CCNH: variants seen among roughly 807,000 people sequenced by gnomAD.
The protein encoded by CCNH is cyclin H.
A neutral mutation model predicts 41.9 loss-of-function variants in CCNH; 31 were observed. The ratio of observed to expected loss-of-function variants is 0.74; its 90% CI spans 0.56 to 1.00. The LOEUF (loss-of-function observed/expected upper bound fraction) is 1.00. Among genes scored for constraint, CCNH ranks in the 50% least tolerant of loss-of-function variants. CCNH has a pLI of 0.00. For missense variants in CCNH, 362 were observed against 388.4 expected, an observed-to-expected ratio of 0.93 and a Z score of 0.57; for synonymous variants, 138 against 136.1, an observed-to-expected ratio of 1.01 and a Z score of -0.10.
At position 87,358,314 on chromosome 5, in the gene CCNH, A is replaced by C. The variant is rs180984974; in HGVS notation, c.*90+34456T>G. Among the ~76,000 whole-genome samples, 245 of 152,280 alleles carry C rather than the reference A, an allele frequency of 1.6e-3. 3 individuals carry two copies. Among genetic ancestry groups the C allele is most frequent in the Admixed American group, 7.1e-3 (108 of 15,296 alleles). On this transcript the variant is annotated intron_variant and NMD_transcript_variant, in intron 9 of 9. Transcript: ENST00000645953. The stretch of plus-strand genomic sequence containing the variant: ...CATTTTTGAGCACTATATTTTAAGC[A>C]CTGTTTTTTATACATATTCATTCAT...
At chr5:87,412,649 C>A (rs1413301545) in intron 1 of CCNH, 29 bp downstream of exon 1, 1 of 1,611,452 alleles carries the variant, frequency 6.2e-7, no homozygotes, top group South Asian at 1.1e-5. Context: ...AGTGACCGGG[C>A]AACTGGGCAA....
intron 9 of CCNH, among the ~76,000 whole-genome samples, chr5:87,336,491 C>T (rs1177700852): frequency 6.6e-6 from 1 of 151,700 alleles, no homozygotes; most frequent in Non-Finnish European, 1.5e-5. Flanking sequence ...AATAAAAATA[C>T]CTTAAAAATT....
intron 9 of CCNH, among the ~76,000 whole-genome samples, chr5:87,355,876 C>T (rs1490147324): frequency 6.6e-6 from 1 of 152,080 alleles, no homozygotes; most frequent in African/African-American, 2.4e-5. Context: ...TACAAGATGA[C>T]TTTGAGGAGG....
Position 87,404,757 on chromosome 5 carries a change from AAT to A in CCNH, c.689+85_689+86del, listed in dbSNP as rs1389424443. 5 of 1,061,000 alleles carry A rather than the reference AAT, an allele frequency of 4.7e-6. No homozygotes were observed. The African/African-American group carries it at 6.5e-5, about 14-fold the overall frequency. The allele number at this position is 1,061,000 out of a possible 1,614,324, so 65.7% of individuals were successfully genotyped here. ...CTCACCAACCATCCCAGCCACAAAG[AAT>A]ATTAAAGATTACAGTCAGAAATGAT... On this transcript the variant is annotated intron_variant, in intron 5 of 8. Transcript: ENST00000256897.
downstream of CCNH, chr5:87,390,719 G>T: frequency 8.5e-7 from 1 of 1,182,202 alleles, no homozygotes; most frequent in Non-Finnish European, 1.3e-6. Flanking sequence ...CTTTGATACA[G>T]TTTTTTTCAA....
rs912918803 is a variant in CCNH, at chr5:87,394,345, T to C, written c.*101A>G. 2.7e-6 allele frequency: 4 copies of C among 1,465,828 alleles called. No homozygotes were observed. The highest frequency in any genetic ancestry group is 2.3e-5 in the Admixed American group (1 of 43,058). The allele number at this position is 1,465,828 out of a possible 1,614,324, so 90.8% of individuals were successfully genotyped here. On this transcript the variant is annotated 3_prime_UTR_variant, in exon 9 of 9. Transcript: ENST00000256897. ...AGAAAACAATAGAAAAGTTTTAATA[T>C]ATTTTATGTTTTCACATTATACTTT...
In CCNH at chr5:87,362,679, C is replaced by T. The variant is rs1394223580; in HGVS notation, c.*90+30091G>A. The stretch of plus-strand genomic sequence containing the variant: ...GTTATCTTCTGAAAAAGGGTAAGTT[C>T]AGACTTTTATCATTAACCCATTTGA... On this transcript the variant is annotated intron_variant and NMD_transcript_variant, in intron 9 of 9. Coordinates refer to the CCNH transcript ENST00000645953. 3.1e-6 allele frequency: 5 copies of T among 1,603,208 alleles called. No homozygotes were observed. The highest frequency in any genetic ancestry group is 1.7e-5 in the Admixed American group (1 of 59,946).
At chr5:87,327,810 CAA>C (rs957896861) in intron 9 of CCNH, among the ~76,000 whole-genome samples, 1 of 151,992 alleles carries the variant, frequency 6.6e-6, no homozygotes, top group Admixed American at 6.6e-5. Context: ...ACTAAAAATA[CAA>C]AAGTTAGCCG....
intron 9 of CCNH, among the ~76,000 whole-genome samples, chr5:87,320,570 C>T (rs1262439965): frequency 3.3e-5 from 5 of 152,102 alleles, no homozygotes; most frequent in African/African-American, 1.2e-4. Flanking sequence ...TGGGGAAGCG[C>T]CACACACTTT....
Position 87,338,525 on chromosome 5 carries a change from A to T in CCNH, c.*91-19628T>A, listed in dbSNP as rs1260059413. ...TTTATATATATATATATATATATAT[A>T]TATATATAAAATTTTTTTTTTTTTT... On this transcript the variant is annotated intron_variant and NMD_transcript_variant, in intron 9 of 9. Transcript: ENST00000645953. 1.2e-3 allele frequency among the ~76,000 whole-genome samples: 119 copies of T among 98,316 alleles called. 3 individuals are homozygous for T. Among genetic ancestry groups the T allele is most frequent in the African/African-American group, 3.9e-3 (94 of 24,352 alleles). 64.5% of individuals were successfully genotyped at this position (98,316 alleles called of 152,430 possible).
chr5:87,365,142 T>C (rs1041900663), intron 9 of CCNH, among the ~76,000 whole-genome samples: 20 of 152,282 alleles, frequency 1.3e-4, no homozygotes, highest in African/African-American at 4.8e-4. Flanking sequence ...TTCAGTTGGA[T>C]AGTTGAGCAG....
Position 87,376,996 on chromosome 5 carries a change from C to T in CCNH, n.185G>A, listed in dbSNP as rs763915835. 1.5e-5 allele frequency: 24 copies of T among 1,613,598 alleles called. No individual in the cohort carries two copies. Among genetic ancestry groups the T allele is most frequent in the Non-Finnish European group, 1.9e-5 (23 of 1,179,724 alleles). ...ATTTTTCTTCACGAAAAGCTTGAAT[C>T]GTTGTTGTTATGCACACTAAATGAC... On this transcript the variant is annotated non_coding_transcript_exon_variant, in exon 1 of 1. Coordinates refer to the CCNH transcript ENST00000607486.
chr5:87,407,837 C>A lies in CCNH; in HGVS notation c.525+139G>T, dbSNP rs112334226. The A allele has an allele frequency of 2.1e-3, 1,289 of 613,630 alleles. 4 individuals are homozygous for A. In the Middle Eastern group the frequency reaches 0.023, roughly 11 times the overall value. 38.0% of individuals were successfully genotyped at this position (613,630 alleles called of 1,614,324 possible). On this transcript the variant is annotated intron_variant, in intron 4 of 8. Transcript: ENST00000256897. ...CCCACTGAAGTTTGAAAACAACTGC[C>A]CTAGATGACCAGGCCAGACCCACAG...
At position 87,328,335 on chromosome 5, in the gene CCNH, CTT is replaced by C. The variant is rs1189275955; in HGVS notation, c.*91-9440_*91-9439del. Among the ~76,000 whole-genome samples the C allele has an allele frequency of 2.3e-4, 35 of 150,648 alleles. No homozygotes were observed. In the East Asian group the frequency reaches 6.6e-3, roughly 29 times the overall value. The stretch of plus-strand genomic sequence containing the variant: ...GATTCCAGTTGAATTTTTTTTTAAA[CTT>C]ATTTGAAAACGGTCACCAGCAAATC... On this transcript the variant is annotated intron_variant and NMD_transcript_variant, in intron 9 of 9. Transcript: ENST00000645953.
chr5:87,377,862 T>C (rs1029854902), upstream of CCNH, among the ~76,000 whole-genome samples: 3 of 152,204 alleles, frequency 2.0e-5, no homozygotes, highest in Non-Finnish European at 4.4e-5. Flanking sequence ...TCACAAAATA[T>C]AGATTTGTCA....
At chr5:87,389,979 T>C (rs1318463595), downstream of CCNH, among the ~76,000 whole-genome samples, 2 of 152,206 alleles carry the variant, frequency 1.3e-5, no homozygotes, top group African/African-American at 2.4e-5. Context: ...AAGTGTGGCC[T>C]TGAAAGCTGC....
intron 9 of CCNH, chr5:87,337,892 A>G (rs1758088609): frequency 9.4e-6 from 13 of 1,385,602 alleles, no homozygotes; most frequent in East Asian, 2.6e-5. Flanking sequence ...TACTATCCCT[A>G]TCCTATTTTG....
At chr5:87,411,480 T>C (rs1253783723) in intron 1 of CCNH, 134 bp from the exon 2 acceptor site, 6 of 701,438 alleles carry the variant, frequency 8.6e-6, no homozygotes, top group South Asian at 2.7e-5. Flanking sequence ...ATTTTCTTTA[T>C]AGATTCGCTA....
downstream of CCNH, among the ~76,000 whole-genome samples, chr5:87,315,027 G>A (rs1756215714): frequency 6.6e-6 from 1 of 152,170 alleles, no homozygotes; most frequent in Non-Finnish European, 1.5e-5. Flanking sequence ...TAGGCAGAAT[G>A]TGGTTTCCAA....
Sources: allele counts gnomAD v4.1 joint callset (sites outside exome capture counted in the v4.1 genomes callset), GRCh38; gene constraint gnomAD v4.1.1; transcripts MANE v1.5; gene names NCBI Gene and HGNC (gene_info 2026-07-23, HGNC 2026-07-21).